Variants in KIFC3 observed in about 807,000 individuals in gnomAD.
KIFC3 encodes the protein kinesin-like protein KIFC3.
A neutral mutation model predicts 101.8 loss-of-function variants in KIFC3; 60 were observed. The observed-to-expected ratio is 0.59, with a 90% CI of 0.48 to 0.73. KIFC3 has a LOEUF of 0.73. Among genes scored for constraint, KIFC3 ranks in the 30% least tolerant of loss-of-function variants. The pLI is 0.00. For synonymous variants in KIFC3, 476 were observed against 482.7 expected, an observed-to-expected ratio of 0.99 and a Z score of 0.18; for missense variants, 966 against 1,137.1, an observed-to-expected ratio of 0.85 and a Z score of 2.16.
intron 1 of KIFC3, among the ~76,000 whole-genome samples, chr16:57,839,635 C>T (rs1204770464): frequency 6.6e-6 from 1 of 152,158 alleles, no homozygotes; most frequent in African/African-American, 2.4e-5. Context: ...CCTTACCTAT[C>T]ATCGTTCCCT....
In KIFC3 at chr16:57,759,120, C is replaced by A. The variant is rs1555592833; in HGVS notation, c.*24+5G>T. The A allele has an allele frequency of 4.5e-6, 7 of 1,550,584 alleles. No homozygotes were observed. Among genetic ancestry groups the A allele is most frequent in the African/African-American group, 2.7e-5 (2 of 73,070 alleles). On this transcript the variant is annotated splice_donor_5th_base_variant and intron_variant, in intron 19 of 19. Transcript: ENST00000445690. Reference sequence around the variant, plus strand: ...GCAGCCCTGGGCCACAGGCCCCACACTCACCTAGAGACTCTGCAGCCCCAG... The same window carrying A: ...GCAGCCCTGGGCCACAGGCCCCACAATCACCTAGAGACTCTGCAGCCCCAG...
At chr16:57,831,587 G>A (rs2055581678) in intron 1 of KIFC3, among the ~76,000 whole-genome samples, 1 of 152,160 alleles carries the variant, frequency 6.6e-6, no homozygotes, top group Non-Finnish European at 1.5e-5. Context: ...CTACTCAGGA[G>A]GCTGAAGCAG....
At chr16:57,789,368 G>C (rs2053649269) in intron 3 of KIFC3, among the ~76,000 whole-genome samples, 1 of 152,242 alleles carries the variant, frequency 6.6e-6, no homozygotes, top group Admixed American at 6.5e-5. Flanking sequence ...GAGAGGGGAG[G>C]CACGAAGAGG....
In KIFC3 at chr16:57,798,174, G is replaced by T; in HGVS notation, c.70C>A (p.Arg24=). 1.3e-6 allele frequency: 2 copies of T among 1,540,202 alleles called. No individual in the cohort carries two copies. Among genetic ancestry groups the T allele is most frequent in the South Asian group, 1.2e-5 (1 of 82,426 alleles). The change falls in exon 2 of 20, where the codon CGG becomes AGG. Residue 24 remains arginine, a synonymous_variant. Transcript: ENST00000445690. ...ATCCCCGGCTCGGGCTCCGGGGCCC[G>T]GCCCACTCTCCACAGGCCCCGCAGC... ...PSLRGLWRVG[R]APEPEPGMAR...
In KIFC3 at chr16:57,760,789, G is replaced by A. The variant is rs1395322661; in HGVS notation, c.2169C>T (p.Ser723=). Residue 723 remains serine (S), a synonymous_variant, in exon 16 of 20, where the codon TCC becomes TCT. Transcript: ENST00000445690. Reference sequence around the variant, plus strand: ...AATCCTGCAGCAGGTAGGTGAGCTTGGAGTTGCGGAAGGGCACGTGGCCCT... The same window carrying A: ...AATCCTGCAGCAGGTAGGTGAGCTTAGAGTTGCGGAAGGGCACGTGGCCCT... ...SRQGHVPFRN[S]KLTYLLQDSL... The A allele has an allele frequency of 1.2e-6, 2 of 1,613,766 alleles. No individual in the cohort carries two copies. The highest frequency in any genetic ancestry group is 1.7e-6 in the Non-Finnish European group (2 of 1,180,020).
chr16:57,849,134 T>C (rs2055996228), intron 1 of KIFC3, among the ~76,000 whole-genome samples: 1 of 152,238 alleles, frequency 6.6e-6, no homozygotes, highest in East Asian at 1.9e-4. Flanking sequence ...TAGAGGTTTA[T>C]ATCTGTGGCT....
chr16:57,862,332 A>G (rs150119143), intron 1 of KIFC3, among the ~76,000 whole-genome samples: 3 of 151,688 alleles, frequency 2.0e-5, no homozygotes, highest in African/African-American at 7.2e-5. Flanking sequence ...CTGAGATTTC[A>G]TCAAGCTACT....
At chr16:57,795,359 C>T (rs1555622271) in intron 2 of KIFC3, among the ~76,000 whole-genome samples, 2 of 152,216 alleles carry the variant, frequency 1.3e-5, no homozygotes, top group Non-Finnish European at 1.5e-5. Flanking sequence ...TACCAAAAGC[C>T]GCCCAAAGAT....
chr16:57,846,337 T>A (rs1367566673), intron 1 of KIFC3: 10 of 152,280 alleles, frequency 6.6e-5, no homozygotes, highest in African/African-American at 2.4e-4. Context: ...GAGATACACA[T>A]CTTTTCCCTA....
intron 3 of KIFC3, among the ~76,000 whole-genome samples, chr16:57,794,120 T>A (rs919392716): frequency 6.6e-6 from 1 of 152,256 alleles, no homozygotes; most frequent in Non-Finnish European, 1.5e-5. Context: ...ATGAGATCTT[T>A]TAATGCCTGG....
chr16:57,780,560 T>A (rs2052596139), intron 3 of KIFC3, among the ~76,000 whole-genome samples: 1 of 125,764 alleles, frequency 8.0e-6, no homozygotes, highest in South Asian at 2.9e-4. Flanking sequence ...TTATGTTACG[T>A]CTATTTTTAA....
chr16:57,759,219 G>A, intron 18 of KIFC3, 66 bp from the exon 19 acceptor site: 1 of 1,527,706 alleles, frequency 6.5e-7, no homozygotes, highest in East Asian at 2.5e-5. Flanking sequence ...ACAAGACCCT[G>A]CTGCTGCTAC....
intron 1 of KIFC3, among the ~76,000 whole-genome samples, chr16:57,843,255 G>A (rs969369035): frequency 1.3e-5 from 2 of 152,166 alleles, no homozygotes; most frequent in African/African-American, 4.8e-5. Flanking sequence ...TCAGACAAAA[G>A]GATTTTCAAT....
upstream of KIFC3, among the ~76,000 whole-genome samples, chr16:57,804,629 G>C (rs566323984): frequency 2.0e-5 from 3 of 152,310 alleles, no homozygotes; most frequent in South Asian, 4.1e-4. Flanking sequence ...TTGATCTGTT[G>C]CCCAGGCTGG....
At chr16:57,786,448 G>A (rs996478144) in intron 3 of KIFC3, among the ~76,000 whole-genome samples, 1 of 152,148 alleles carries the variant, frequency 6.6e-6, no homozygotes, top group Non-Finnish European at 1.5e-5. Flanking sequence ...GTTACAGCTT[G>A]CTTCCAGGGC....
At position 57,798,134 on chromosome 16, in the gene KIFC3, G is replaced by T; in HGVS notation, c.110C>A (p.Pro37Gln). 1 of 1,557,984 alleles carries T rather than the reference G, an allele frequency of 6.4e-7. No individual in the cohort carries two copies. Among genetic ancestry groups the T allele is most frequent in the Non-Finnish European group, 8.7e-7 (1 of 1,151,614 alleles). The change falls in exon 2 of 20, where the codon CCA (proline) becomes CAA (glutamine). Residue 37 changes from proline to glutamine, a missense_variant. Coordinates refer to ENST00000445690, the MANE Select transcript of KIFC3 (RefSeq NM_001130100.2). The part of the protein sequence containing the change: ...EPEPGMARPA[P>Q]APASPAARPF... Reference sequence around the variant, plus strand: ...GCGGGCGGCCGGGCTGGCTGGGGCTGGGGCGGGGCGAGCCATCCCCGGCTC... The same window carrying T: ...GCGGGCGGCCGGGCTGGCTGGGGCTTGGGCGGGGCGAGCCATCCCCGGCTC...
At chr16:57,776,038 A>G (rs2967163) in intron 3 of KIFC3, 747,723 of 985,246 alleles carry the variant, frequency 0.76, 286,706 homozygotes, top group Non-Finnish European at 0.78. Context: ...GGGTGGGGCC[A>G]GCCAGCCCAG....
chr16:57,786,719 T>TG (rs1568022575), intron 3 of KIFC3, among the ~76,000 whole-genome samples: 1 of 152,036 alleles, frequency 6.6e-6, no homozygotes, highest in South Asian at 2.1e-4. Flanking sequence ...AGGCTGGGGT[T>TG]GGGGGGATCT....
At chr16:57,828,302 G>A (rs925786681) in intron 1 of KIFC3, among the ~76,000 whole-genome samples, 3 of 152,254 alleles carry the variant, frequency 2.0e-5, no homozygotes, top group Non-Finnish European at 4.4e-5. Flanking sequence ...GGATGCCAAC[G>A]TGAGGCCACC....
Sources: allele counts gnomAD v4.1 joint callset (sites outside exome capture counted in the v4.1 genomes callset), GRCh38; gene constraint gnomAD v4.1.1; transcripts MANE v1.5; gene names NCBI Gene and HGNC (gene_info 2026-07-23, HGNC 2026-07-21).